The following SECISBP2L variants were observed in gnomAD, a reference collection of about 807,000 sequenced individuals.
The protein encoded by SECISBP2L is SECIS binding protein 2 like.
A neutral mutation model predicts 114.7 loss-of-function variants in SECISBP2L; 43 were observed. The observed-to-expected ratio is 0.38, with a 90% CI of 0.29 to 0.48. The LOEUF is 0.48. SECISBP2L is among the 20% of genes least tolerant of loss of function. SECISBP2L has a pLI of 0.98. For missense variants in SECISBP2L, 1,136 were observed against 1,301.1 expected (o/e 0.87, Z 1.95); for synonymous variants, 451 against 439.7 (o/e 1.03, Z -0.32).
chr15:49,016,865 C>T lies in SECISBP2L; in HGVS notation c.1402G>A (p.Glu468Lys), dbSNP rs1278517789. 5.6e-6 allele frequency: 9 copies of T among 1,605,432 alleles called. No individual in the cohort carries two copies. The highest frequency in any genetic ancestry group is 5.2e-5 in the Admixed American group (3 of 57,690). Residue 468 changes from glutamate (E) to lysine (K), a missense_variant, in exon 10 of 18, where the codon GAG becomes AAG. By Grantham distance (56) the Glu-to-Lys change is moderately conservative (BLOSUM62 1). Transcript: ENST00000559471. ...ATATGTACCTGTAATTTTTTTTGCTCCATACTTATTTCTGAATACTCTTGA... is the reference window on the plus strand; with the variant it reads ...ATATGTACCTGTAATTTTTTTTGCTTCATACTTATTTCTGAATACTCTTGA... ...TAQEYSEISM[E>K]QKKLQEALSK... is the part of the protein sequence containing the mutation.
At position 48,996,523 on chromosome 15, in the gene SECISBP2L, C is replaced by G; in HGVS notation, c.2467G>C (p.Ala823Pro). 6.2e-7 allele frequency: 1 copy of G among 1,614,138 alleles called. No individual in the cohort carries two copies. The highest frequency in any genetic ancestry group is 8.5e-7 in the Non-Finnish European group (1 of 1,180,022). The change falls in exon 17 of 18, where the codon GCA becomes CCA. Residue 823 changes from alanine (A) to proline (P), a missense_variant. By Grantham distance (27) the Ala-to-Pro change is conservative. This residue lies in a region of SECISBP2L where 684 missense variants were observed against 848.7 expected (regional missense o/e 0.81). Coordinates refer to ENST00000559471, the MANE Select transcript of SECISBP2L (RefSeq NM_001193489.2). Reference protein sequence around the residue: ...EARKAYKDMVAAMEQEQAEEA... With the variant: ...EARKAYKDMVPAMEQEQAEEA... ...TCAGCCTGCTCCTGTTCCATTGCTG[C>G]AACCATATCTTTATATGCTTTCCTG...
intron 4 of SECISBP2L, among the ~76,000 whole-genome samples, 156 bp from the exon 5 acceptor site, chr15:49,028,838 T>A (rs1372469153): frequency 6.6e-6 from 1 of 152,202 alleles, no homozygotes; most frequent in East Asian, 1.9e-4. Flanking sequence ...AGGTAAGATG[T>A]TCCTGGTAAG....
intron 8 of SECISBP2L, among the ~76,000 whole-genome samples, chr15:49,018,466 C>A (rs562107174): frequency 6.6e-5 from 10 of 152,168 alleles, no homozygotes; most frequent in African/African-American, 2.4e-4. Flanking sequence ...CCACGTTGGC[C>A]AGGCTGGTCT....
Position 49,037,741 on chromosome 15 carries a change from G to A in SECISBP2L, c.53C>T (p.Pro18Leu), listed in dbSNP as rs1226372637. The change falls in exon 2 of 18, where the codon CCA becomes CTA. Residue 18 changes from proline to leucine, a missense_variant. By Grantham distance (98) the Pro-to-Leu change is moderately conservative. Around this residue, in one of 2 missense-constraint regions of SECISBP2L, gnomAD observed 452 missense variants for 452.3 expected, o/e 1.00. Transcript: ENST00000559471. ...AGGACTCTTCTTCTGGGGAATAAAT[G>A]GCTCCACCTCAGCTGACAGCTTGAC... ...QNVKLSAEVE[P>L]FIPQKKSPDT... 1 of 1,607,846 alleles carries A rather than the reference G, an allele frequency of 6.2e-7. No homozygotes were observed. The highest frequency in any genetic ancestry group is 8.5e-7 in the Non-Finnish European group (1 of 1,175,470).
intron 7 of SECISBP2L, among the ~76,000 whole-genome samples, chr15:49,022,622 G>C (rs1272976556): frequency 6.6e-6 from 1 of 152,038 alleles, no homozygotes; most frequent in Non-Finnish European, 1.5e-5. Context: ...TTCAAAAATA[G>C]GAAGACATAC....
Position 49,027,694 on chromosome 15 carries a change from C to T in SECISBP2L, c.920-214G>A, listed in dbSNP as rs574034200. On this transcript the variant is annotated intron_variant, in intron 6 of 17. Transcript: ENST00000559471. ...CGAGATCTTGGCTCACTGCAACCTC[C>T]GCCTCCCGGGTTCAAGCAATTCTCC... 2.2e-3 allele frequency among the ~76,000 whole-genome samples: 329 copies of T among 151,532 alleles called. 3 individuals carry two copies. The highest frequency in any genetic ancestry group is 7.7e-3 in the African/African-American group (319 of 41,272).
At chr15:49,039,402 G>T (rs1050754744) in intron 1 of SECISBP2L, among the ~76,000 whole-genome samples, 2 of 151,766 alleles carry the variant, frequency 1.3e-5, no homozygotes, top group African/African-American at 4.8e-5. Flanking sequence ...CCGACGTACA[G>T]CAATAATGCA....
chr15:49,032,454 T>C (rs890001374), intron 4 of SECISBP2L, among the ~76,000 whole-genome samples: 1 of 152,236 alleles, frequency 6.6e-6, no homozygotes, highest in Non-Finnish European at 1.5e-5. Context: ...CTAAAAATTT[T>C]TGACAAAATG....
At chr15:49,013,963 G>A (rs1230734031) in intron 11 of SECISBP2L, among the ~76,000 whole-genome samples, 3 of 151,906 alleles carry the variant, frequency 2.0e-5, no homozygotes, top group African/African-American at 7.3e-5. Flanking sequence ...TTTTAAAAAG[G>A]CACACCAACT....
rs1373675402 is a variant in SECISBP2L, at chr15:48,993,028, T to C, written c.2624-102A>G. On this transcript the variant is annotated intron_variant, in intron 17 of 17. Coordinates refer to ENST00000559471, the MANE Select transcript of SECISBP2L (RefSeq NM_001193489.2). ...AAGAAAGAACAACAAAATATATAAA[T>C]TTGTTGGCTTAGAAACTGACTGGAA... 1.7e-5 allele frequency: 18 copies of C among 1,050,484 alleles called. No homozygotes were observed. In the East Asian group the frequency reaches 4.3e-4, roughly 25 times the overall value. 65.1% of individuals were successfully genotyped at this position (1,050,484 alleles called of 1,614,324 possible).
chr15:49,008,507 T>C (rs1430804047), intron 14 of SECISBP2L, among the ~76,000 whole-genome samples: 2 of 152,224 alleles, frequency 1.3e-5, no homozygotes, highest in East Asian at 3.8e-4. Context: ...CATCTGTGAT[T>C]TGACATTTAA....
intron 3 of SECISBP2L, among the ~76,000 whole-genome samples, chr15:49,034,664 C>CTTTTTTTTT (rs745310543): frequency 7.9e-5 from 5 of 63,406 alleles, no homozygotes; most frequent in South Asian, 5.4e-4. Context: ...GAAAGTATAT[C>CTTTTTTTTT]TTTTGTTTTT....
chr15:49,044,487 C>A (rs1188567993), intron 1 of SECISBP2L, among the ~76,000 whole-genome samples: 1 of 152,114 alleles, frequency 6.6e-6, no homozygotes, highest in African/African-American at 2.4e-5. Context: ...GAATTAACTG[C>A]CTATCGCATA....
Position 49,012,662 on chromosome 15 carries a change from T to C in SECISBP2L, c.1717A>G (p.Thr573Ala). The change falls in exon 12 of 18, where the codon ACA (threonine) becomes GCA (alanine). Residue 573 changes from threonine to alanine, a missense_variant. By Grantham distance (58) the Thr-to-Ala change is moderately conservative. Around this residue, in one of 2 missense-constraint regions of SECISBP2L, gnomAD observed 684 missense variants for 848.7 expected, o/e 0.81. Transcript: ENST00000559471. ...EKEIAKLKRP[T>A]ALKKVILKER... is the part of the protein sequence containing the mutation. ...TTTTGGTTTACCTTTTTAAGTGCTG[T>C]GGGTCGTTTTAGTTTTGCAATTTCC... 1 of 1,613,050 alleles carries C rather than the reference T, an allele frequency of 6.2e-7. No homozygotes were observed. The highest frequency in any genetic ancestry group is 8.5e-7 in the Non-Finnish European group (1 of 1,179,832).
chr15:49,033,173 T>A, intron 3 of SECISBP2L, 73 bp from the exon 4 acceptor site: 1 of 1,481,262 alleles, frequency 6.8e-7, no homozygotes, highest in Non-Finnish European at 9.1e-7. Context: ...AAAAAACACA[T>A]CTAAAATAAA....
chr15:48,996,338 G>A, intron 17 of SECISBP2L, 29 bp downstream of exon 17: 1 of 1,563,730 alleles, frequency 6.4e-7, no homozygotes, highest in Non-Finnish European at 8.8e-7. Flanking sequence ...CATGGTTTAA[G>A]TCATTTAAAA....
chr15:49,046,241 C>G, intron 1 of SECISBP2L, 35 bp downstream of exon 1: 2 of 1,572,678 alleles, frequency 1.3e-6, no homozygotes, highest in Non-Finnish European at 1.7e-6. Context: ...CGACCCCAAC[C>G]CCCGGCTCGG....
chr15:49,027,332 C>T, intron 7 of SECISBP2L, 33 bp downstream of exon 7: 1 of 1,482,564 alleles, frequency 6.7e-7, no homozygotes. Flanking sequence ...CATCTCATAC[C>T]TAATCAATTT....
chr15:49,018,916 C>G (rs1294759713), intron 8 of SECISBP2L, among the ~76,000 whole-genome samples: 1 of 152,172 alleles, frequency 6.6e-6, no homozygotes, highest in Non-Finnish European at 1.5e-5. Flanking sequence ...GAGCACCTTA[C>G]TGCACACATA....
Sources: allele counts gnomAD v4.1 joint callset (sites outside exome capture counted in the v4.1 genomes callset), GRCh38; gene constraint gnomAD v4.1.1; regional missense constraint gnomAD v4.1.1; transcripts MANE v1.5; gene names NCBI Gene and HGNC (gene_info 2026-07-23, HGNC 2026-07-21).